PTPN2: variants seen among roughly 807,000 people sequenced by gnomAD.
PTPN2 encodes tyrosine-protein phosphatase non-receptor type 2.
A neutral mutation model predicts 57.3 loss-of-function variants in PTPN2; 19 were observed. That is an observed-to-expected ratio of 0.33 (90% CI 0.23 to 0.49). The LOEUF is 0.49. PTPN2 is among the 20% of genes least tolerant of loss of function. The pLI is 0.99. For synonymous variants in PTPN2, 153 were observed against 164.9 expected (o/e 0.93, Z 0.55); for missense variants, 358 against 501.1 (o/e 0.71, Z 2.73).
chr18:12,820,757 C>A (rs1314104012), intron 5 of PTPN2, among the ~76,000 whole-genome samples: 2 of 152,222 alleles, frequency 1.3e-5, no homozygotes, highest in Non-Finnish European at 2.9e-5. Context: ...TGCAGCCGTT[C>A]CACACATGCC....
intron 5 of PTPN2, 61 bp downstream of exon 5, chr18:12,825,748 AT>A: frequency 6.9e-7 from 1 of 1,452,542 alleles, no homozygotes; most frequent in Non-Finnish European, 9.4e-7. Context: ...AAATCTAATA[AT>A]AAAGAATAAT....
At chr18:12,810,743 A>G (rs908423003) in intron 7 of PTPN2, among the ~76,000 whole-genome samples, 1 of 152,208 alleles carries the variant, frequency 6.6e-6, no homozygotes, top group Non-Finnish European at 1.5e-5. Flanking sequence ...GCAAAGCTTG[A>G]GTAGGAGAGA....
rs749163739 is a variant in PTPN2 at position 12,794,509 on chromosome 18, AAAGG to A, written c.1041-28_1041-25del. ...CACTATGAGGAAATAAAAACAAGTG[AAAGG>A]AAGTGCACACAGAGCAGGACTTGAG... On this transcript the variant is annotated intron_variant, in intron 8 of 8. Transcript: ENST00000309660. 3 of 1,608,240 alleles carry A rather than the reference AAAGG, an allele frequency of 1.9e-6. No homozygotes were observed. In the African/African-American group the frequency reaches 4.0e-5, roughly 22 times the overall value.
chr18:12,831,111 G>A, intron 3 of PTPN2, 70 bp from the exon 4 acceptor site: 1 of 1,067,840 alleles, frequency 9.4e-7, no homozygotes, highest in South Asian at 1.3e-5. Flanking sequence ...GGAAGGCCTT[G>A]TTAAGTCTGC....
intron 1 of PTPN2, among the ~76,000 whole-genome samples, chr18:12,877,057 T>G (rs2044514509): frequency 6.6e-6 from 1 of 152,184 alleles, no homozygotes; most frequent in African/African-American, 2.4e-5. Context: ...TATTGTAACA[T>G]CAGATAAGTC....
At chr18:12,821,064 C>T (rs1398862018) in intron 5 of PTPN2, among the ~76,000 whole-genome samples, 1 of 152,092 alleles carries the variant, frequency 6.6e-6, no homozygotes, top group Non-Finnish European at 1.5e-5. Context: ...TATACATTTT[C>T]CAATTATCAT....
At chr18:12,795,654 T>C (rs2041150594) in intron 8 of PTPN2, among the ~76,000 whole-genome samples, 1 of 152,146 alleles carries the variant, frequency 6.6e-6, no homozygotes, top group South Asian at 2.1e-4. Flanking sequence ...TCTGGTTCTA[T>C]ATAAATAATA....
downstream of PTPN2, among the ~76,000 whole-genome samples, chr18:12,789,021 C>G (rs568976807): frequency 2.0e-5 from 3 of 152,148 alleles, no homozygotes; most frequent in Non-Finnish European, 2.9e-5. Context: ...TGGGAGCAGG[C>G]ACACAGAACA....
intron 3 of PTPN2, among the ~76,000 whole-genome samples, chr18:12,834,646 T>C (rs1359094219): frequency 1.3e-5 from 2 of 151,820 alleles, no homozygotes; most frequent in Non-Finnish European, 2.9e-5. Flanking sequence ...ACAGGTACCA[T>C]GACAGTAGTC....
chr18:12,876,432 C>T (rs2044495305), intron 1 of PTPN2, among the ~76,000 whole-genome samples: 1 of 151,986 alleles, frequency 6.6e-6, no homozygotes, highest in South Asian at 2.1e-4. Context: ...TGCCACTGCA[C>T]TCCAGCCTGG....
At position 12,840,925 on chromosome 18, in the gene PTPN2, G is replaced by T. The variant is rs2043023428; in HGVS notation, c.161-4034C>A. On this transcript the variant is annotated intron_variant, in intron 2 of 8. Coordinates refer to ENST00000309660, the MANE Select transcript of PTPN2 (RefSeq NM_002828.4). ...CTCTAACTAGACGCTCTGATGGAATGCCTCCATGATGAACTGGTCTGTTCC... is the reference window on the plus strand; with the variant it reads ...CTCTAACTAGACGCTCTGATGGAATTCCTCCATGATGAACTGGTCTGTTCC... 3.3e-6 allele frequency: 5 copies of T among 1,523,066 alleles called. No homozygotes were observed. In the South Asian group the frequency reaches 6.1e-5, roughly 19 times the overall value. 94.3% of individuals were successfully genotyped at this position (1,523,066 alleles called of 1,614,324 possible). A position where few individuals can be genotyped will look rare whatever the true frequency, so the allele number is the denominator to read the frequency against.
intron 1 of PTPN2, among the ~76,000 whole-genome samples, chr18:12,866,867 T>C (rs1436122671): frequency 1.3e-5 from 2 of 151,832 alleles, no homozygotes; most frequent in Non-Finnish European, 2.9e-5. Context: ...TAGCTGGCCA[T>C]GGTGGTGGGC....
intron 1 of PTPN2, among the ~76,000 whole-genome samples, chr18:12,880,227 G>A (rs2044623198): frequency 1.3e-5 from 2 of 152,166 alleles, no homozygotes; most frequent in Non-Finnish European, 2.9e-5. Context: ...AACGCCCTAA[G>A]GGGAGAATGG....
At chr18:12,875,982 A>C (rs1235859094) in intron 1 of PTPN2, among the ~76,000 whole-genome samples, 5 of 152,152 alleles carry the variant, frequency 3.3e-5, no homozygotes, top group Admixed American at 6.6e-5. Flanking sequence ...GTGAAGCCGG[A>C]AGATCGCTTT....
rs200487122 is a variant in PTPN2 at position 12,827,686 on chromosome 18, G to GA, written c.361-1743dup. 1.0e-3 allele frequency among the ~76,000 whole-genome samples: 144 copies of GA among 143,676 alleles called. 1 individual carries two copies. Among genetic ancestry groups the GA allele is most frequent in the Middle Eastern group, 3.5e-3 (1 of 282 alleles). 94.3% of individuals were successfully genotyped at this position (143,676 alleles called of 152,430 possible). ...AGGTGTAAGCCCTCCAACCTGGCCA[G>GA]AAAAAAAAAAATTTTTTTTAAGTAA... On this transcript the variant is annotated intron_variant, in intron 4 of 8. Transcript: ENST00000309660.
At chr18:12,808,712 C>T (rs1444687540) in intron 7 of PTPN2, among the ~76,000 whole-genome samples, 1 of 152,130 alleles carries the variant, frequency 6.6e-6, no homozygotes, top group South Asian at 2.1e-4. Flanking sequence ...CCCCAGGAGG[C>T]GGAGGTTGCA....
downstream of PTPN2, among the ~76,000 whole-genome samples, chr18:12,788,472 C>G (rs111624209): frequency 8.7e-6 from 1 of 115,432 alleles, no homozygotes; most frequent in African/African-American, 3.6e-5. Context: ...GGGGTTTCAC[C>G]GTGTTGCCCA....
At chr18:12,842,349 G>A (rs116513406) in intron 2 of PTPN2, among the ~76,000 whole-genome samples, 355 of 152,248 alleles carry the variant, frequency 2.3e-3, no homozygotes, top group African/African-American at 7.5e-3. Context: ...CAAACAATGC[G>A]GACCAAATAT....
At chr18:12,787,628 G>GT (rs2040874649), downstream of PTPN2, 1 of 152,094 alleles carries the variant, frequency 6.6e-6, no homozygotes, top group African/African-American at 2.4e-5. Context: ...ATTATTCAGG[G>GT]TGGGGGGGTA....
Sources: gnomAD v4.1 joint callset for allele counts (sites outside exome capture counted in the v4.1 genomes callset) on GRCh38, gnomAD v4.1.1 for gene constraint, MANE v1.5 for transcripts, NCBI Gene and HGNC (gene_info 2026-07-23, HGNC 2026-07-21) for gene names.